ZNF638: variants seen among roughly 807,000 people sequenced by gnomAD.
The protein encoded by ZNF638 is CTCL tumor antigen se33-1.
A neutral mutation model predicts 195.6 loss-of-function variants in ZNF638; 46 were observed. The ratio of observed to expected loss-of-function variants is 0.24; its 90% CI spans 0.19 to 0.30. The LOEUF (loss-of-function observed/expected upper bound fraction) is 0.30. Ranked by LOEUF, ZNF638 falls within the 10% of genes least tolerant of loss-of-function variation. The probability of loss-of-function intolerance (pLI) is 1.00; values close to 1 mark genes in which losing one functional copy is unlikely to be tolerated. For missense variants in ZNF638, 2,440 were observed against 2,325.3 expected, an observed-to-expected ratio of 1.05 and a Z score of -1.01; for synonymous variants, 845 against 772.0, an observed-to-expected ratio of 1.09 and a Z score of -1.57.
At chr2:71,348,327 G>C (rs1464778694) in intron 1 of ZNF638, 1 of 861,390 alleles carries the variant, frequency 1.2e-6, no homozygotes, top group Non-Finnish European at 1.4e-6. Flanking sequence ...GGTCTTTTAG[G>C]CTTACAGTTC....
chr2:71,380,836 A>AG (rs1167842348), intron 10 of ZNF638: 1 of 269,482 alleles, frequency 3.7e-6, no homozygotes, highest in Non-Finnish European at 6.9e-6. Context: ...TTACATGTTT[A>AG]GGTTAGTTAT....
intron 1 of ZNF638, among the ~76,000 whole-genome samples, chr2:71,339,847 T>TAGG (rs1032139540): frequency 6.6e-6 from 1 of 152,208 alleles, no homozygotes; most frequent in Non-Finnish European, 1.5e-5. Context: ...TTACACTTAC[T>TAGG]AGGAGTGTTT....
intron 3 of ZNF638, among the ~76,000 whole-genome samples, chr2:71,356,012 T>G (rs187994724): frequency 4.6e-5 from 7 of 152,322 alleles, no homozygotes; most frequent in African/African-American, 1.4e-4. Context: ...GGTAAACTTT[T>G]TATGTCATTA....
intron 1 of ZNF638, among the ~76,000 whole-genome samples, chr2:71,343,608 G>A (rs1160232252): frequency 3.3e-5 from 5 of 152,144 alleles, no homozygotes; most frequent in Non-Finnish European, 7.3e-5. Context: ...AAAATTAAAT[G>A]GAATAGAAGA....
Position 71,418,252 on chromosome 2 carries a change from T to A in ZNF638, c.3262-350T>A, listed in dbSNP as rs1159786783. On this transcript the variant is annotated intron_variant, in intron 20 of 27. Transcript: ENST00000264447. ...TTAGTCAGCTGATCTCTCTTAGAAG[T>A]CTTTTAAAATAATTCCTCAAGGAAG... 7 of 174,930 alleles carry A rather than the reference T, an allele frequency of 4.0e-5. No homozygotes were observed. In the Admixed American group the frequency reaches 4.4e-4, roughly 11 times the overall value. The allele number at this position is 174,930 out of a possible 1,614,324, so 10.8% of individuals were successfully genotyped here.
chr2:71,393,436 G>T (rs770402235), intron 10 of ZNF638: 62 of 718,484 alleles, frequency 8.6e-5, no homozygotes, highest in Non-Finnish European at 1.3e-4. Flanking sequence ...CCATACCATG[G>T]CGTGGCTAGG....
At chr2:71,391,054 CAGTG>C (rs1298077229) in intron 10 of ZNF638, among the ~76,000 whole-genome samples, 2 of 152,164 alleles carry the variant, frequency 1.3e-5, no homozygotes, top group Non-Finnish European at 2.9e-5. Context: ...AGGGAAATAA[CAGTG>C]AGCCCATGAG....
intron 19 of ZNF638, among the ~76,000 whole-genome samples, chr2:71,406,512 A>G (rs2080109042): frequency 6.6e-6 from 1 of 152,184 alleles, no homozygotes; most frequent in African/African-American, 2.4e-5. Context: ...AATATAGTGT[A>G]GACAGCATTA....
At chr2:71,387,662 CAAA>C (rs1202384861) in intron 10 of ZNF638, among the ~76,000 whole-genome samples, 15 of 45,398 alleles carry the variant, frequency 3.3e-4, no homozygotes, top group South Asian at 2.5e-3. Context: ...AAGACTCTCT[CAAA>C]AAAAAAAAAG....
At chr2:71,380,958 C>CA (rs1487759406) in intron 10 of ZNF638, 1 of 155,422 alleles carries the variant, frequency 6.4e-6, no homozygotes, top group Non-Finnish European at 1.4e-5. Flanking sequence ...AATTGAGAGC[C>CA]AAAAAGCAAG....
intron 1 of ZNF638, among the ~76,000 whole-genome samples, chr2:71,339,551 G>T (rs770601780): frequency 3.9e-5 from 6 of 152,188 alleles, no homozygotes; most frequent in Non-Finnish European, 7.3e-5. Context: ...TAACCAAATG[G>T]CAGAGAGGGC....
chr2:71,418,405 T>C, intron 20 of ZNF638, 197 bp from the exon 21 acceptor site: 1 of 386,948 alleles, frequency 2.6e-6, no homozygotes. Context: ...TTATTGTGTG[T>C]GACCTAATTT....
intron 10 of ZNF638, chr2:71,395,654 A>G (rs1011121221): frequency 9.6e-6 from 5 of 520,306 alleles, no homozygotes; most frequent in Non-Finnish European, 1.8e-5. Flanking sequence ...TTGTCATTAA[A>G]TCTGTACTGA....
intron 10 of ZNF638, among the ~76,000 whole-genome samples, chr2:71,390,282 ACT>A (rs1021338374): frequency 2.0e-5 from 3 of 151,840 alleles, no homozygotes; most frequent in Non-Finnish European, 2.9e-5. Flanking sequence ...CCCACAGTCC[ACT>A]CTCTCAGAAC....
Position 71,422,788 on chromosome 2 carries a change from T to C in ZNF638, c.3300-26T>C, listed in dbSNP as rs372951845. 6 of 1,581,474 alleles carry C rather than the reference T, an allele frequency of 3.8e-6. No homozygotes were observed. The African/African-American group carries it at 8.2e-5, about 22-fold the overall frequency. On this transcript the variant is annotated intron_variant, in intron 21 of 27. Coordinates refer to ENST00000264447, the MANE Select transcript of ZNF638 (RefSeq NM_014497.5). ...TTGTTTGTGTTTTTGTTTGTGTTCT[T>C]TTTGTTTGTTTTTAAATACTTTTAG...
chr2:71,426,503 A>G lies in ZNF638; in HGVS notation c.4634A>G (p.Asp1545Gly). ...PFNLDEFVTVDEVIEEVNPSQ... is the reference protein window; with the variant it reads ...PFNLDEFVTVGEVIEEVNPSQ... ...AATTTGGATGAATTTGTTACTGTGGATGAGGTTATAGAAGAAGTGAATCCT... is the reference window on the plus strand; with the variant it reads ...AATTTGGATGAATTTGTTACTGTGGGTGAGGTTATAGAAGAAGTGAATCCT... The change falls in exon 24 of 28, where the codon GAT becomes GGT. Residue 1545 changes from aspartate to glycine, a missense_variant. Transcript: ENST00000264447. 6.3e-7 allele frequency: 1 copy of G among 1,599,876 alleles called. No homozygotes were observed. The highest frequency in any genetic ancestry group is 8.5e-7 in the Non-Finnish European group (1 of 1,176,004).
intron 2 of ZNF638, among the ~76,000 whole-genome samples, chr2:71,353,114 T>C (rs2078969448): frequency 6.6e-6 from 1 of 152,234 alleles, no homozygotes; most frequent in South Asian, 2.1e-4. Context: ...GACATAAATA[T>C]GAAGCCAATA....
intron 2 of ZNF638, among the ~76,000 whole-genome samples, chr2:71,352,340 T>G (rs957115880): frequency 6.6e-6 from 1 of 151,788 alleles, no homozygotes; most frequent in Non-Finnish European, 1.5e-5. Context: ...TAGCCGGGTG[T>G]GGTCATGCGC....
At chr2:71,355,846 CTG>C (rs2079014610) in intron 3 of ZNF638, 66 bp downstream of exon 3, 3 of 878,222 alleles carry the variant, frequency 3.4e-6, no homozygotes, top group Non-Finnish European at 5.2e-6. Flanking sequence ...TCAGATGTGA[CTG>C]TTAAATACCT....
Sources: gnomAD v4.1 joint callset for allele counts (sites outside exome capture counted in the v4.1 genomes callset) on GRCh38, gnomAD v4.1.1 for gene constraint, MANE v1.5 for transcripts, NCBI Gene and HGNC (gene_info 2026-07-23, HGNC 2026-07-21) for gene names.